The following ATP11C variants were observed in gnomAD, a reference collection of about 807,000 sequenced individuals.
ATP11C encodes phospholipid-transporting ATPase IG.
A neutral mutation model predicts 97.4 loss-of-function variants in ATP11C; 36 were observed. That is an observed-to-expected ratio of 0.37 (90% CI 0.28 to 0.49). ATP11C has a LOEUF of 0.49. Among genes scored for constraint, ATP11C ranks in the 20% least tolerant of loss-of-function variants. The pLI is 0.98. For synonymous variants in ATP11C, 275 were observed against 290.9 expected (o/e 0.95, Z 0.56); for missense variants, 730 against 824.6 (o/e 0.89, Z 1.40).
chrX:139,851,496 G>A (rs760933779), intron 1 of ATP11C, among the ~76,000 whole-genome samples: 1 of 112,401 alleles, frequency 8.9e-6, no homozygotes, highest in East Asian at 2.8e-4. Flanking sequence ...AAGTAGAAAT[G>A]TGAGGTTGGA....
At chrX:139,865,146 G>T (rs149649840) in intron 1 of ATP11C, among the ~76,000 whole-genome samples, 159 of 111,790 alleles carry the variant, frequency 1.4e-3, no homozygotes, top group African/African-American at 5.0e-3. Flanking sequence ...GAAGGCTGAG[G>T]CAGGATTGCT....
chrX:139,932,084 C>G lies in ATP11C; in HGVS notation c.-42G>C. ...GGGCGCTGAGCTGGGCTCTACCGGG[C>G]TGTCTGGGAAGGCGCCGTCCACAAA... On this transcript the variant is annotated 5_prime_UTR_variant, in exon 1 of 30. Coordinates refer to ENST00000682941, the MANE Select transcript of ATP11C (RefSeq NM_001353812.2). The G allele has an allele frequency of 8.8e-7, 1 of 1,133,182 alleles. No homozygotes were observed. The highest frequency in any genetic ancestry group is 1.2e-6 in the Non-Finnish European group (1 of 852,613). 93.4% of individuals were successfully genotyped at this position (1,133,182 alleles called of 1,213,427 possible).
rs758659668 is a variant in ATP11C at position 139,867,689 on chromosome X, C to T, written c.28-40866G>A. On this transcript the variant is annotated intron_variant, in intron 1 of 29. Coordinates refer to ENST00000682941, the MANE Select transcript of ATP11C (RefSeq NM_001353812.2). ...CAAAGATGAGTAGGGGTTAAACAGG[C>T]TAAGAAGTAAGAGGGAGGATCTGGC... 3.6e-5 allele frequency among the ~76,000 whole-genome samples: 4 copies of T among 111,961 alleles called. No homozygotes were observed. In the South Asian group the frequency reaches 1.5e-3, roughly 42 times the overall value.
In ATP11C at chrX:139,745,637, T is replaced by A. The variant is rs1331701475; in HGVS notation, c.2964+85A>T. ...GTTTGTAAAATGATTACAGCTAGAG[T>A]ATGTATATGACAAATCCAGCACCTA... On this transcript the variant is annotated intron_variant, in intron 25 of 29. Coordinates refer to ENST00000682941, the MANE Select transcript of ATP11C (RefSeq NM_001353812.2). The A allele has an allele frequency of 4.0e-6, 4 of 997,593 alleles. No individual in the cohort carries two copies. The East Asian group carries it at 1.3e-4, about 31-fold the overall frequency. 82.2% of individuals were successfully genotyped at this position (997,593 alleles called of 1,213,427 possible).
intron 7 of ATP11C, among the ~76,000 whole-genome samples, chrX:139,801,607 C>T (rs2082929135): frequency 8.9e-6 from 1 of 111,874 alleles, no homozygotes; most frequent in African/African-American, 3.2e-5. Context: ...AAACCTGTTA[C>T]ACTACCCTGA....
intron 1 of ATP11C, among the ~76,000 whole-genome samples, chrX:139,847,898 C>G (rs1331801619): frequency 3.6e-5 from 4 of 110,850 alleles, no homozygotes; most frequent in African/African-American, 1.3e-4. Flanking sequence ...TCTTGCCTCC[C>G]CCTTGCTTAT....
At chrX:139,742,627 T>G (rs2081580989) in intron 26 of ATP11C, among the ~76,000 whole-genome samples, 1 of 109,735 alleles carries the variant, frequency 9.1e-6, no homozygotes, top group Admixed American at 9.8e-5. Context: ...ATGACAAAAA[T>G]AATTTGATTA....
intron 1 of ATP11C, among the ~76,000 whole-genome samples, chrX:139,831,386 G>C (rs2083646838): frequency 9.1e-6 from 1 of 110,327 alleles, no homozygotes; most frequent in African/African-American, 3.3e-5. Context: ...TGGATATTAA[G>C]CCTCACACAA....
Position 139,851,001 on chromosome X carries a change from G to A in ATP11C, c.28-24178C>T, listed in dbSNP as rs187621084. 9.5e-4 allele frequency among the ~76,000 whole-genome samples: 106 copies of A among 111,663 alleles called. 1 individual carries two copies. Among genetic ancestry groups the A allele is most frequent in the Non-Finnish European group, 1.7e-3 (88 of 53,019 alleles). ...TACAGAATGAAAAAGCATTCCTGGG[G>A]AGCAAACCAACGGTGTGGCCAAGCA... On this transcript the variant is annotated intron_variant, in intron 1 of 29. Transcript: ENST00000682941.
chrX:139,853,597 A>G lies in ATP11C; in HGVS notation c.28-26774T>C, dbSNP rs1438384002. ...TTAAAGGTCTTCTCCGTGACCCTATAACACTCCAATACCACTTTGTTGTCA... is the reference window on the plus strand; with the variant it reads ...TTAAAGGTCTTCTCCGTGACCCTATGACACTCCAATACCACTTTGTTGTCA... On this transcript the variant is annotated intron_variant, in intron 1 of 29. Coordinates refer to ENST00000682941, the MANE Select transcript of ATP11C (RefSeq NM_001353812.2). Among the ~76,000 whole-genome samples the G allele has an allele frequency of 2.7e-5, 3 of 110,301 alleles. No homozygotes were observed. In the Admixed American group the frequency reaches 2.9e-4, roughly 11 times the overall value.
intron 28 of ATP11C, among the ~76,000 whole-genome samples, chrX:139,732,917 A>T (rs995754250): frequency 9.0e-6 from 1 of 111,731 alleles, no homozygotes; most frequent in African/African-American, 3.2e-5. Context: ...TCCAGGGTCC[A>T]TTGCCAATCA....
At chrX:139,747,693 A>T (rs765608436) in intron 24 of ATP11C, among the ~76,000 whole-genome samples, 9 of 111,812 alleles carry the variant, frequency 8.0e-5, no homozygotes, top group African/African-American at 2.9e-4. Flanking sequence ...AAATCACCAA[A>T]GGTAAAATCT....
Position 139,770,800 on chromosome X carries a change from T to C in ATP11C, c.2217-2366A>G, listed in dbSNP as rs772225629. Among the ~76,000 whole-genome samples, 3 of 111,891 alleles carry C rather than the reference T, an allele frequency of 2.7e-5. No individual in the cohort carries two copies. In the South Asian group the frequency reaches 1.1e-3, roughly 42 times the overall value. ...AGTAAATTAAGTTTTCCACAAGCCC[T>C]GGCTTTTACAAAAGTGTCCTCAGGG... is the stretch of plus-strand genomic sequence containing the variant. On this transcript the variant is annotated intron_variant, in intron 19 of 29. Transcript: ENST00000682941.
At chrX:139,823,020 C>G (rs2083448250) in intron 2 of ATP11C, among the ~76,000 whole-genome samples, 1 of 110,000 alleles carries the variant, frequency 9.1e-6, no homozygotes, top group Admixed American at 9.6e-5. Flanking sequence ...AGTTCGAGAC[C>G]AGCCTGGCCA....
At chrX:139,900,195 C>T (rs1244504981) in intron 1 of ATP11C, among the ~76,000 whole-genome samples, 1 of 109,784 alleles carries the variant, frequency 9.1e-6, no homozygotes, top group Non-Finnish European at 1.9e-5. Flanking sequence ...ATGATGAAAC[C>T]CCGTCTCTAC....
chrX:139,756,675 G>A (rs775579538), intron 23 of ATP11C, among the ~76,000 whole-genome samples: 2 of 111,060 alleles, frequency 1.8e-5, no homozygotes, highest in South Asian at 3.8e-4. Flanking sequence ...GCAGCAACAC[G>A]GATGGAGCTG....
At chrX:139,858,225 G>A (rs1291068966) in intron 1 of ATP11C, among the ~76,000 whole-genome samples, 1 of 112,372 alleles carries the variant, frequency 8.9e-6, no homozygotes, top group Non-Finnish European at 1.9e-5. Context: ...GTCTGTTAGA[G>A]CAACACAAAT....
At chrX:139,873,827 T>C (rs1163332892) in intron 1 of ATP11C, among the ~76,000 whole-genome samples, 3 of 105,806 alleles carry the variant, frequency 2.8e-5, no homozygotes, top group African/African-American at 1.0e-4. Flanking sequence ...AAAAAAAAAG[T>C]TGATTGGCTC....
At chrX:139,894,855 G>A (rs982381738) in intron 1 of ATP11C, among the ~76,000 whole-genome samples, 1 of 111,363 alleles carries the variant, frequency 9.0e-6, no homozygotes, top group Non-Finnish European at 1.9e-5. Flanking sequence ...CACATTCTTC[G>A]AGACCAGCCT....
Sources: gnomAD v4.1 joint callset for allele counts (sites outside exome capture counted in the v4.1 genomes callset) on GRCh38, gnomAD v4.1.1 for gene constraint, MANE v1.5 for transcripts, NCBI Gene and HGNC (gene_info 2026-07-23, HGNC 2026-07-21) for gene names.